CHL1: variants seen among roughly 807,000 people sequenced by gnomAD.
The protein encoded by CHL1 is cell adhesion molecule L1 like, also known as neural cell adhesion molecule L1-like protein.
A neutral mutation model predicts 141.9 loss-of-function variants in CHL1; 96 were observed. That is an observed-to-expected ratio of 0.68 (90% CI 0.57 to 0.80). The LOEUF (loss-of-function observed/expected upper bound fraction) is 0.80. Ranked by LOEUF, CHL1 falls within the 30% of genes least tolerant of loss-of-function variation. The pLI, the probability that CHL1 is intolerant of heterozygous loss-of-function variation, is 0.00. For missense variants in CHL1, 1,820 were observed against 1,457.2 expected (o/e 1.25, Z -4.05); for synonymous variants, 613 against 502.2 (o/e 1.22, Z -2.95).
At chr3:226,264 C>A (rs4685475) in intron 1 of CHL1, among the ~76,000 whole-genome samples, 1 of 149,492 alleles carries the variant, frequency 6.7e-6, no homozygotes, top group Non-Finnish European at 1.5e-5. Context: ...TCATGTGATC[C>A]GCCTGCTTCG....
intron 16 of CHL1, among the ~76,000 whole-genome samples, chr3:379,679 A>AT (rs1326579389): frequency 6.6e-6 from 1 of 152,118 alleles, no homozygotes; most frequent in Non-Finnish European, 1.5e-5. Flanking sequence ...GGAACTATTA[A>AT]TTTTTTTAAT....
intron 1 of CHL1, among the ~76,000 whole-genome samples, chr3:208,162 C>T (rs916693229): frequency 2.0e-5 from 3 of 152,174 alleles, no homozygotes; most frequent in Non-Finnish European, 2.9e-5. Flanking sequence ...ACATTGACTG[C>T]TGCCTCCCAG....
chr3:216,534 A>C (rs771149109), intron 1 of CHL1, among the ~76,000 whole-genome samples: 1 of 152,136 alleles, frequency 6.6e-6, no homozygotes, highest in Non-Finnish European at 1.5e-5. Context: ...CTCTACACCA[A>C]CCCTGTCTAT....
At chr3:282,702 G>C (rs1421229942) in intron 2 of CHL1, 1 of 152,082 alleles carries the variant, frequency 6.6e-6, no homozygotes, top group African/African-American at 2.4e-5. Flanking sequence ...AATGTGAATG[G>C]CTTCACAAAT....
chr3:398,827 T>C (rs1405348580), intron 25 of CHL1, among the ~76,000 whole-genome samples, 190 bp from the exon 26 acceptor site: 1 of 152,202 alleles, frequency 6.6e-6, no homozygotes, highest in African/African-American at 2.4e-5. Flanking sequence ...AGTCCCTTTT[T>C]AAATAAAGAA....
At chr3:333,269 C>T (rs966668026) in intron 5 of CHL1, among the ~76,000 whole-genome samples, 1 of 151,586 alleles carries the variant, frequency 6.6e-6, no homozygotes, top group African/African-American at 2.4e-5. Flanking sequence ...AGTAACCCAA[C>T]CCAATACTTA....
At chr3:405,384 A>T (rs746852755) in intron 27 of CHL1, 111 bp from the exon 28 acceptor site, 11 of 704,072 alleles carry the variant, frequency 1.6e-5, no homozygotes, top group Non-Finnish European at 2.1e-5. Flanking sequence ...CTTCAATGCT[A>T]ACACAAATGT....
chr3:269,685 C>G (rs1450999162), intron 2 of CHL1, among the ~76,000 whole-genome samples: 1 of 152,136 alleles, frequency 6.6e-6, no homozygotes, highest in African/African-American at 2.4e-5. Flanking sequence ...GCCACTATGC[C>G]CAGCTAATTT....
chr3:307,194 C>T lies in CHL1; in HGVS notation c.-94-12489C>T, dbSNP rs114128870. ...GAGAGTTTTAATTTTCTCTTATAAC[C>T]TAGCTACCAGATGCTATGTGGCAAG... On this transcript the variant is annotated intron_variant, in intron 2 of 27. Transcript: ENST00000256509. Among the ~76,000 whole-genome samples, 5 of 152,262 alleles carry T rather than the reference C, an allele frequency of 3.3e-5. No individual in the cohort carries two copies. In the East Asian group the frequency reaches 9.6e-4, roughly 29 times the overall value.
intron 5 of CHL1, among the ~76,000 whole-genome samples, chr3:335,619 C>G (rs1701803559): frequency 6.6e-6 from 1 of 152,076 alleles, no homozygotes; most frequent in South Asian, 2.1e-4. Context: ...AAACGGAGTG[C>G]CAAGTCAAAA....
At position 402,099 on chromosome 3, in the gene CHL1, C is replaced by T. The variant is rs1709191231; in HGVS notation, c.3458+401C>T. Among the ~76,000 whole-genome samples, 3 of 152,198 alleles carry T rather than the reference C, an allele frequency of 2.0e-5. No homozygotes were observed. The South Asian group carries it at 6.2e-4, about 32-fold the overall frequency. On this transcript the variant is annotated intron_variant, in intron 27 of 27. Transcript: ENST00000256509. The stretch of plus-strand genomic sequence containing the variant: ...AGGTAAGTAAGTTACAAACCCTGTC[C>T]TCTAGATGAACCTGATCAGCAGAGA...
chr3:200,762 G>C (rs993892998), intron 1 of CHL1, among the ~76,000 whole-genome samples: 1 of 152,122 alleles, frequency 6.6e-6, no homozygotes, highest in Non-Finnish European at 1.5e-5. Context: ...TTATATTTTG[G>C]TGATCACATG....
chr3:283,584 A>G lies in CHL1; in HGVS notation c.-94-36099A>G, dbSNP rs1233982616. ...GAATTCAATTTGATGTTAGCATATG[A>G]TAGTTGTCTAATAAATACATGTTAA... On this transcript the variant is annotated intron_variant, in intron 2 of 27. Transcript: ENST00000256509. 2.0e-5 allele frequency among the ~76,000 whole-genome samples: 3 copies of G among 152,212 alleles called. 1 individual carries two copies. Among genetic ancestry groups the G allele is most frequent in the Non-Finnish European group, 4.4e-5 (3 of 68,024 alleles).
chr3:250,293 A>T (rs1271381391), intron 2 of CHL1, among the ~76,000 whole-genome samples: 1 of 152,034 alleles, frequency 6.6e-6, no homozygotes, highest in Non-Finnish European at 1.5e-5. Flanking sequence ...TGCGGAGAGG[A>T]TGTCATAGTA....
Position 377,674 on chromosome 3 carries a change from A to G in CHL1, c.1752-144A>G, listed in dbSNP as rs535254419. ...TTTATCTCCAGGTTTCAACTGTGGC[A>G]TTCTCTAATCAAATTTGCATTGCAT... is the stretch of plus-strand genomic sequence containing the variant. On this transcript the variant is annotated intron_variant, in intron 15 of 27. Transcript: ENST00000256509. The G allele has an allele frequency of 3.8e-5, 24 of 638,504 alleles. No individual in the cohort carries two copies. In the East Asian group the frequency reaches 6.7e-4, roughly 18 times the overall value. 39.6% of individuals were successfully genotyped at this position (638,504 alleles called of 1,614,324 possible).
intron 27 of CHL1, among the ~76,000 whole-genome samples, chr3:402,137 A>G (rs1034014345): frequency 6.6e-6 from 1 of 152,238 alleles, no homozygotes; most frequent in Non-Finnish European, 1.5e-5. Flanking sequence ...AATATCCTAT[A>G]TATGCAAATG....
At position 278,082 on chromosome 3, in the gene CHL1, T is replaced by G. The variant is rs561052396; in HGVS notation, c.-95+33390T>G. On this transcript the variant is annotated intron_variant, in intron 2 of 27. Coordinates refer to ENST00000256509, the MANE Select transcript of CHL1 (RefSeq NM_006614.4). ...ACTTCCTCAACTCATGACTGAAACTTTGTTCCAGTTCAAGAAGGAAATAAA... is the reference window on the plus strand; with the variant it reads ...ACTTCCTCAACTCATGACTGAAACTGTGTTCCAGTTCAAGAAGGAAATAAA... 2.0e-5 allele frequency among the ~76,000 whole-genome samples: 3 copies of G among 152,322 alleles called. No individual in the cohort carries two copies. The East Asian group carries it at 5.8e-4, about 29-fold the overall frequency.
chr3:289,262 G>C (rs991947042), intron 2 of CHL1, among the ~76,000 whole-genome samples: 1 of 152,088 alleles, frequency 6.6e-6, no homozygotes, highest in Non-Finnish European at 1.5e-5. Context: ...TTATCTTAAA[G>C]ACATAAAAAC....
At chr3:389,155 C>A (rs889877627) in intron 19 of CHL1, 97 bp from the exon 20 acceptor site, 1 of 934,850 alleles carries the variant, frequency 1.1e-6, no homozygotes, top group Non-Finnish European at 1.6e-6. Context: ...ATGACCATTT[C>A]ATTACATTGT....
Sources: allele counts gnomAD v4.1 joint callset (sites outside exome capture counted in the v4.1 genomes callset), GRCh38; gene constraint gnomAD v4.1.1; transcripts MANE v1.5; gene names NCBI Gene and HGNC (gene_info 2026-07-23, HGNC 2026-07-21).